ZHX1: variants seen among roughly 807,000 people sequenced by gnomAD.
ZHX1 encodes the protein zinc fingers and homeoboxes protein 1.
A neutral mutation model predicts 61.8 loss-of-function variants in ZHX1; 20 were observed. The ratio of observed to expected loss-of-function variants is 0.32; its 90% confidence interval spans 0.23 to 0.47. The LOEUF (loss-of-function observed/expected upper bound fraction) is 0.47. Ranked by LOEUF, ZHX1 falls within the 20% of genes least tolerant of loss-of-function variation. The probability of loss-of-function intolerance (pLI) is 1.00; values close to 1 mark genes in which losing one functional copy is unlikely to be tolerated. For missense variants in ZHX1, 800 were observed against 1,034.8 expected (o/e 0.77, Z 3.11); for synonymous variants, 318 against 352.6 (o/e 0.90, Z 1.10).
intron 1 of ZHX1, among the ~76,000 whole-genome samples, chr8:123,268,221 G>GGGTT (rs1279129597): frequency 1.3e-5 from 2 of 152,052 alleles, no homozygotes; most frequent in Non-Finnish European, 1.5e-5. Context: ...TACAAACATG[G>GGGTT]GGTTATCTAA....
intron 2 of ZHX1, among the ~76,000 whole-genome samples, chr8:123,261,142 G>T (rs1826244528): frequency 6.6e-6 from 1 of 152,158 alleles, no homozygotes; most frequent in Non-Finnish European, 1.5e-5. Flanking sequence ...TCCCAAAAGA[G>T]TTTCAAGATT....
intron 2 of ZHX1, among the ~76,000 whole-genome samples, chr8:123,256,552 A>G (rs541897321): frequency 1.2e-3 from 181 of 152,234 alleles, no homozygotes; most frequent in Non-Finnish European, 2.1e-3. Flanking sequence ...ATGGCCATTA[A>G]GTGTGTAAGA....
chr8:123,252,018 A>C (rs1825933557), intron 3 of ZHX1, among the ~76,000 whole-genome samples: 1 of 152,220 alleles, frequency 6.6e-6, no homozygotes, highest in Non-Finnish European at 1.5e-5. Context: ...GGAATTAAGG[A>C]AAAACTGCAC....
intron 2 of ZHX1, among the ~76,000 whole-genome samples, chr8:123,259,083 C>T (rs890504311): frequency 3.3e-5 from 5 of 152,114 alleles, no homozygotes; most frequent in African/African-American, 7.2e-5. Flanking sequence ...CTTTGAAGGA[C>T]GGTAAAATCC....
At chr8:123,251,864 T>C (rs1380366953) in intron 3 of ZHX1, among the ~76,000 whole-genome samples, 14 of 152,216 alleles carry the variant, frequency 9.2e-5, no homozygotes, top group Admixed American at 9.2e-4. Context: ...GGTACATTTT[T>C]AGTTTCATCT....
In ZHX1 at chr8:123,255,964, A is replaced by T. The variant is rs1826060047; in HGVS notation, c.-18T>A. The stretch of plus-strand genomic sequence containing the variant: ...CTTGCCATTCTGATGTTATGAGGAA[A>T]AGCTCAGTGGTGATTAAAAAGCATC... On this transcript the variant is annotated 5_prime_UTR_variant, in exon 3 of 4. Coordinates refer to ENST00000395571, the MANE Select transcript of ZHX1 (RefSeq NM_007222.5). 1.3e-6 allele frequency: 2 copies of T among 1,590,510 alleles called. No homozygotes were observed. Among genetic ancestry groups the T allele is most frequent in the Non-Finnish European group, 1.7e-6 (2 of 1,167,434 alleles).
In ZHX1 at chr8:123,253,736, C is replaced by A. The variant is rs1240160886; in HGVS notation, c.2211G>T (p.Leu737=). 1 of 1,614,214 alleles carries A rather than the reference C, an allele frequency of 6.2e-7. No individual in the cohort carries two copies. Among genetic ancestry groups the A allele is most frequent in the South Asian group, 1.1e-5 (1 of 91,086 alleles). The change falls in exon 3 of 4, where the codon CTG becomes CTT. Residue 737 remains leucine, a synonymous_variant. Transcript: ENST00000395571. ...CTCTCCCTCTTTTCCTAAGGGAAGA[C>A]AGACCATTCATACTACTTGAATTGG... ...QSANSSSMNG[L]SSLRKRGRGR...
chr8:123,252,157 A>C (rs933755043), intron 3 of ZHX1, among the ~76,000 whole-genome samples: 1 of 152,238 alleles, frequency 6.6e-6, no homozygotes, highest in Non-Finnish European at 1.5e-5. Flanking sequence ...GTTTGAACAC[A>C]GCAGTCATTT....
intron 3 of ZHX1, chr8:123,252,719 T>G (rs1055771193): frequency 2.0e-5 from 3 of 152,104 alleles, no homozygotes; most frequent in African/African-American, 7.2e-5. Context: ...ATTTTATAAA[T>G]TACTAAAAAG....
At chr8:123,261,435 T>TCATGTATAAAAC (rs145345002) in intron 2 of ZHX1, among the ~76,000 whole-genome samples, 8,760 of 152,188 alleles carry the variant, frequency 0.058, 813 homozygotes, top group African/African-American at 0.2. Context: ...CTCAATTTTC[T>TCATGTATAAAAC]CAAGATTCTT....
At chr8:123,267,829 C>T (rs965535558) in intron 1 of ZHX1, among the ~76,000 whole-genome samples, 1 of 152,070 alleles carries the variant, frequency 6.6e-6, no homozygotes, top group Admixed American at 6.5e-5. Context: ...AGGAGAAACC[C>T]CGTCTCTACT....
chr8:123,263,327 A>G (rs1436863697), intron 2 of ZHX1, among the ~76,000 whole-genome samples: 3 of 152,102 alleles, frequency 2.0e-5, no homozygotes. Flanking sequence ...TGAACTCATC[A>G]AAACAATTAC....
rs1166414473 is a variant in ZHX1, at chr8:123,259,084, G to A, written c.-225-2913C>T. Among the ~76,000 whole-genome samples the A allele has an allele frequency of 5.3e-5, 8 of 152,064 alleles. No individual in the cohort carries two copies. The East Asian group carries it at 1.3e-3, about 26-fold the overall frequency. ...AGAGAATATCCTGACTTTGAAGGAC[G>A]GTAAAATCCTCCTCACTGGAATTAT... On this transcript the variant is annotated intron_variant, in intron 2 of 3. Coordinates refer to ENST00000395571, the MANE Select transcript of ZHX1 (RefSeq NM_007222.5).
intron 1 of ZHX1, among the ~76,000 whole-genome samples, chr8:123,272,043 A>G (rs1429043360): frequency 6.6e-6 from 1 of 152,256 alleles, no homozygotes; most frequent in African/African-American, 2.4e-5. Flanking sequence ...ACATTGAGGA[A>G]ACCAAAGAAC....
chr8:123,268,359 C>T (rs1478549374), intron 1 of ZHX1, among the ~76,000 whole-genome samples: 1 of 152,152 alleles, frequency 6.6e-6, no homozygotes, highest in Admixed American at 6.5e-5. Context: ...TCTGAAAATT[C>T]AATTACTGTC....
chr8:123,255,728 T>C lies in ZHX1; in HGVS notation c.219A>G (p.Lys73=). 6.2e-7 allele frequency: 1 copy of C among 1,613,890 alleles called. No individual in the cohort carries two copies. The highest frequency in any genetic ancestry group is 2.2e-5 in the East Asian group (1 of 44,880). ...GATCTGGAGTTTGAAAAGTACAATA[T>C]TTACATTCATATCCACCTTCAACTT... ...NKKVEGGYEC[K]YCTFQTPDLN... is the part of the protein sequence containing the mutation. The change falls in exon 3 of 4, where the codon AAA becomes AAG. Residue 73 remains lysine (K), a synonymous_variant. Transcript: ENST00000395571.
intron 2 of ZHX1, among the ~76,000 whole-genome samples, chr8:123,263,582 A>C (rs1294780463): frequency 6.6e-6 from 1 of 152,174 alleles, no homozygotes; most frequent in Non-Finnish European, 1.5e-5. Context: ...CTGTAATTCC[A>C]GCACTTTGGG....
At position 123,264,013 on chromosome 8, in the gene ZHX1, A is replaced by G. The variant is rs116878861; in HGVS notation, c.-226+3260T>C. ...GTCATGAATATTAAAACACCCTTGA[A>G]TCTAAAACATTCTATTTACTAAAGT... On this transcript the variant is annotated intron_variant, in intron 2 of 3. Transcript: ENST00000395571. Among the ~76,000 whole-genome samples, 1,176 of 152,288 alleles carry G rather than the reference A, an allele frequency of 7.7e-3. 36 individuals are homozygous for G. The East Asian group carries it at 0.097, about 13-fold the overall frequency.
chr8:123,273,734 G>A (rs1826741788), intron 1 of ZHX1: 1 of 152,550 alleles, frequency 6.6e-6, no homozygotes, highest in African/African-American at 2.4e-5. Flanking sequence ...CGCCCCCGGA[G>A]GACAGCGCTC....
Sources: gnomAD v4.1 joint callset for allele counts (sites outside exome capture counted in the v4.1 genomes callset) on GRCh38, gnomAD v4.1.1 for gene constraint, MANE v1.5 for transcripts, NCBI Gene and HGNC (gene_info 2026-07-23, HGNC 2026-07-21) for gene names.